RWDD4: variants seen among roughly 807,000 people sequenced by gnomAD.
The protein encoded by RWDD4 is RWD domain containing 4.
RWDD4 carries 16 observed loss-of-function variants against 30.0 expected under a neutral mutation model. The observed-to-expected ratio is 0.53, with a 90% CI of 0.36 to 0.81. The LOEUF is 0.81. Ranked by LOEUF, RWDD4 falls within the 30% of genes least tolerant of loss-of-function variation. The pLI, the probability that RWDD4 is intolerant of heterozygous loss-of-function variation, is 0.00. For missense variants in RWDD4, 170 were observed against 223.9 expected, an observed-to-expected ratio of 0.76 and a Z score of 1.54; for synonymous variants, 45 against 72.1, an observed-to-expected ratio of 0.62 and a Z score of 1.90.
intron 5 of RWDD4, among the ~76,000 whole-genome samples, chr4:183,648,696 C>A (rs917074975): frequency 6.6e-6 from 1 of 152,106 alleles, no homozygotes; most frequent in African/African-American, 2.4e-5. Context: ...AAACAAATCC[C>A]AAACATGTTA....
chr4:183,644,264 G>A (rs963857334), intron 7 of RWDD4, among the ~76,000 whole-genome samples: 3 of 152,190 alleles, frequency 2.0e-5, no homozygotes, highest in Admixed American at 6.5e-5. Flanking sequence ...AGCATCAGTG[G>A]AGAAAGTCCT....
chr4:183,639,997 A>T lies in RWDD4; in HGVS notation c.*1439T>A, dbSNP rs542616805. ...AAAAAACAAACCAATACAACCACAA[A>T]TACTACCCACACACAACCCTGAAAC... On this transcript the variant is annotated 3_prime_UTR_variant, in exon 8 of 8. Coordinates refer to ENST00000326397, the MANE Select transcript of RWDD4 (RefSeq NM_152682.4). 6.6e-6 allele frequency: 1 copy of T among 152,248 alleles called. No individual in the cohort carries two copies. The highest frequency in any genetic ancestry group is 2.1e-4 in the South Asian group (1 of 4,824). 9.4% of individuals were successfully genotyped at this position (152,248 alleles called of 1,614,324 possible). A position where few individuals can be genotyped will look rare whatever the true frequency, so the allele number is the denominator to read the frequency against.
chr4:183,653,989 G>A (rs1009334037), intron 2 of RWDD4, among the ~76,000 whole-genome samples: 9 of 152,322 alleles, frequency 5.9e-5, no homozygotes, highest in Admixed American at 1.3e-4. Flanking sequence ...AGCAGAGACA[G>A]GAGACATGGC....
intron 7 of RWDD4, 91 bp from the exon 8 acceptor site, chr4:183,641,559 G>C (rs1316442329): frequency 1.0e-6 from 1 of 969,540 alleles, no homozygotes; most frequent in Non-Finnish European, 1.6e-6. Context: ...TAGGCAACGA[G>C]GCTTAAGTAA....
Position 183,658,995 on chromosome 4 carries a change from A to G in RWDD4, c.-43T>C, listed in dbSNP as rs747901115. 2.4e-6 allele frequency: 3 copies of G among 1,257,836 alleles called. No individual in the cohort carries two copies. The highest frequency in any genetic ancestry group is 5.9e-5 in the East Asian group (2 of 34,020). 77.9% of individuals were successfully genotyped at this position (1,257,836 alleles called of 1,614,324 possible). On this transcript the variant is annotated 5_prime_UTR_variant, in exon 1 of 8. Transcript: ENST00000326397. Reference sequence around the variant, plus strand: ...GCCTCCTGAGCGGACGGCGTTCGCAACAACGAAGAGAAAGCGAAGGCAGCG... The same window carrying G: ...GCCTCCTGAGCGGACGGCGTTCGCAGCAACGAAGAGAAAGCGAAGGCAGCG...
intron 2 of RWDD4, among the ~76,000 whole-genome samples, chr4:183,651,746 T>C (rs899652137): frequency 1.3e-5 from 2 of 152,144 alleles, no homozygotes; most frequent in Admixed American, 1.3e-4. Context: ...TGCTAAATCC[T>C]AGGAGGCACA....
chr4:183,649,055 A>C (rs1391188061), intron 5 of RWDD4, among the ~76,000 whole-genome samples: 1 of 152,178 alleles, frequency 6.6e-6, no homozygotes, highest in Non-Finnish European at 1.5e-5. Flanking sequence ...AAGAAAGAGT[A>C]AGAATTAATC....
intron 2 of RWDD4, among the ~76,000 whole-genome samples, chr4:183,653,289 C>G (rs1250243992): frequency 1.3e-5 from 2 of 151,918 alleles, no homozygotes; most frequent in Non-Finnish European, 2.9e-5. Context: ...AATAATCTCG[C>G]TGGGTGAGGT....
At chr4:183,655,806 C>T (rs577776534) in intron 2 of RWDD4, 75 bp downstream of exon 2, 1 of 833,278 alleles carries the variant, frequency 1.2e-6, no homozygotes, top group East Asian at 2.5e-5. Flanking sequence ...GTTTAAAAAA[C>T]AAAATAAGCA....
intron 1 of RWDD4, chr4:183,656,188 T>C (rs1018690516): frequency 8.3e-6 from 3 of 361,658 alleles, no homozygotes; most frequent in Admixed American, 4.3e-5. Flanking sequence ...GTACAATGTA[T>C]GATCGCGCTG....
chr4:183,657,256 A>C (rs10004167), intron 1 of RWDD4, among the ~76,000 whole-genome samples: 50,822 of 151,976 alleles, frequency 0.33, 8,509 homozygotes, highest in Middle Eastern at 0.43. Flanking sequence ...AAAAACAAAA[A>C]AAAACAAAAT....
chr4:183,643,059 A>AAAATAAATAAATAAAT (rs201296160), intron 7 of RWDD4, among the ~76,000 whole-genome samples: 1 of 112,448 alleles, frequency 8.9e-6, no homozygotes, highest in Non-Finnish European at 1.8e-5. Flanking sequence ...ACTCCGTTCA[A>AAAATAAATAAATAAAT]AAATAAATAA....
rs1733827832 is a variant in RWDD4, at chr4:183,640,000, C to T, written c.*1436G>A. ...AAACAAACCAATACAACCACAAATA[C>T]TACCCACACACAACCCTGAAACATA... On this transcript the variant is annotated 3_prime_UTR_variant, in exon 8 of 8. Transcript: ENST00000326397. The T allele has an allele frequency of 6.6e-6, 1 of 152,148 alleles. No homozygotes were observed. Among genetic ancestry groups the T allele is most frequent in the African/African-American group, 2.4e-5 (1 of 41,422 alleles). The allele number at this position is 152,148 out of a possible 1,614,324, so 9.4% of individuals were successfully genotyped here.
At chr4:183,652,583 G>A (rs56352059) in intron 2 of RWDD4, among the ~76,000 whole-genome samples, 9,678 of 152,026 alleles carry the variant, frequency 0.064, 410 homozygotes, top group Middle Eastern at 0.13. Flanking sequence ...AGGCCAAGGC[G>A]GGTAGATCAT....
intron 2 of RWDD4, chr4:183,653,595 TCAA>T (rs1734125840): frequency 6.6e-6 from 1 of 152,198 alleles, no homozygotes; most frequent in African/African-American, 2.4e-5. Flanking sequence ...GATACATGAA[TCAA>T]CATCTCATCC....
At chr4:183,650,859 G>A (rs2111241800) in intron 4 of RWDD4, 125 bp downstream of exon 4, 1 of 838,316 alleles carries the variant, frequency 1.2e-6, no homozygotes. Context: ...ATTTAACTCA[G>A]GTGTAACTCT....
intron 3 of RWDD4, 39 bp downstream of exon 3, chr4:183,651,179 G>C: frequency 6.2e-7 from 1 of 1,600,320 alleles, no homozygotes; most frequent in Non-Finnish European, 8.5e-7. Context: ...GTATAACAGA[G>C]AGTGAAATGA....
chr4:183,649,903 CT>C (rs1167634762), intron 4 of RWDD4, among the ~76,000 whole-genome samples: 2 of 151,414 alleles, frequency 1.3e-5, no homozygotes, highest in Non-Finnish European at 2.9e-5. Flanking sequence ...TAATTAAAAC[CT>C]TTTTTTTTCT....
At position 183,656,257 on chromosome 4, in the gene RWDD4, A is replaced by G. The variant is rs538696266; in HGVS notation, c.25-296T>C. Among the ~76,000 whole-genome samples the G allele has an allele frequency of 2.4e-3, 366 of 152,322 alleles. 2 individuals carry two copies. The highest frequency in any genetic ancestry group is 6.8e-3 in the Middle Eastern group (2 of 294). On this transcript the variant is annotated intron_variant, in intron 1 of 7. Transcript: ENST00000326397. ...TTATTTTCTCCTTCCTAGGGAAGCA[A>G]GGAAGTCTCCCTGTAAAGCCACTCC... is the stretch of plus-strand genomic sequence containing the variant.
Sources: allele counts gnomAD v4.1 joint callset (sites outside exome capture counted in the v4.1 genomes callset), GRCh38; gene constraint gnomAD v4.1.1; transcripts MANE v1.5; gene names NCBI Gene and HGNC (gene_info 2026-07-23, HGNC 2026-07-21).